Variants in PCBP3 observed in about 807,000 individuals in gnomAD.
PCBP3 encodes poly(rC)-binding protein 3.
A neutral mutation model predicts 52.7 loss-of-function variants in PCBP3; 25 were observed. The ratio of observed to expected loss-of-function variants is 0.47; its 90% CI spans 0.35 to 0.66. The LOEUF (loss-of-function observed/expected upper bound fraction) is 0.66, where lower values mean the gene tolerates loss of function less well. PCBP3 is among the 30% of genes least tolerant of loss of function. The pLI is 0.01. For synonymous variants in PCBP3, 162 were observed against 183.0 expected (o/e 0.89, Z 0.93); for missense variants, 391 against 490.3 (o/e 0.80, Z 1.91).
intron 3 of PCBP3, among the ~76,000 whole-genome samples, 188 bp from the exon 4 acceptor site, chr21:45,755,229 G>T (rs1401852082): frequency 6.6e-6 from 1 of 152,100 alleles, no homozygotes; most frequent in Non-Finnish European, 1.5e-5. Flanking sequence ...TTTATCCCTT[G>T]CCCATGATAC....
intron 13 of PCBP3, chr21:45,918,103 T>G: frequency 4.0e-6 from 1 of 250,700 alleles, no homozygotes. Flanking sequence ...ATAGGGTCCA[T>G]CTACACACAC....
intron 4 of PCBP3, among the ~76,000 whole-genome samples, chr21:45,799,649 A>G (rs191867045): frequency 1.6e-3 from 236 of 149,132 alleles, no homozygotes; most frequent in African/African-American, 5.3e-3. Context: ...TGATGCTGTG[A>G]CCCCGGTGTC....
chr21:45,714,092 A>G (rs763269169), intron 2 of PCBP3, among the ~76,000 whole-genome samples: 17 of 152,094 alleles, frequency 1.1e-4, no homozygotes, highest in East Asian at 1.9e-4. Context: ...TGTACTGCCT[A>G]TGCTCTGTGT....
chr21:45,925,507 C>A (rs2075281415), intron 13 of PCBP3, among the ~76,000 whole-genome samples: 1 of 152,202 alleles, frequency 6.6e-6, no homozygotes, highest in Admixed American at 6.5e-5. Flanking sequence ...AGTTAAGAAG[C>A]AAAGGCTGCC....
chr21:45,812,260 GAC>G (rs2092704413), intron 4 of PCBP3, among the ~76,000 whole-genome samples: 1 of 152,184 alleles, frequency 6.6e-6, no homozygotes, highest in Non-Finnish European at 1.5e-5. Context: ...CATGGGCTAT[GAC>G]ACAGCCTCGA....
intron 4 of PCBP3, among the ~76,000 whole-genome samples, chr21:45,814,977 A>G (rs1313907102): frequency 3.3e-4 from 16 of 48,604 alleles, no homozygotes; most frequent in Admixed American, 5.3e-4. Context: ...GTGAGTGATG[A>G]GTGAGTGGTG....
At chr21:45,762,633 G>T (rs1461904695) in intron 4 of PCBP3, 1 of 151,608 alleles carries the variant, frequency 6.6e-6, no homozygotes, top group Non-Finnish European at 1.5e-5. Context: ...GCGCCCACCA[G>T]CACACCCGGC....
At chr21:45,762,143 T>A (rs948294931) in intron 4 of PCBP3, 1 of 152,286 alleles carries the variant, frequency 6.6e-6, no homozygotes, top group Non-Finnish European at 1.5e-5. Context: ...AGGGGTACCT[T>A]TCGTGGGTGG....
At chr21:45,672,638 C>T (rs1411692194) in intron 2 of PCBP3, among the ~76,000 whole-genome samples, 1 of 152,116 alleles carries the variant, frequency 6.6e-6, no homozygotes, top group East Asian at 1.9e-4. Flanking sequence ...TCTCTCCCTA[C>T]CCAGGGTATC....
rs905372930 is a variant in PCBP3, at chr21:45,737,489, C to A, written c.-162+2060C>A. ...CTTCGACTTTGGTGTTGTCCAAATT[C>A]TTCTGAGCCTAACTGTAGGCTCTTC... is the stretch of plus-strand genomic sequence containing the variant. On this transcript the variant is annotated intron_variant, in intron 3 of 17. Transcript: ENST00000681687. This position sits in a 1 kb window ranked among gnomAD's most constrained non-coding sequence, Gnocchi z 4.9. Among the ~76,000 whole-genome samples the A allele has an allele frequency of 7.2e-5, 11 of 152,200 alleles. No individual in the cohort carries two copies. Among genetic ancestry groups the A allele is most frequent in the African/African-American group, 2.7e-4 (11 of 41,442 alleles).
intron 2 of PCBP3, chr21:45,728,744 C>A (rs1365458792): frequency 6.6e-6 from 1 of 151,962 alleles, no homozygotes; most frequent in East Asian, 1.9e-4. Context: ...AATGCAGTTT[C>A]TTTGGTATGT....
intron 5 of PCBP3, among the ~76,000 whole-genome samples, chr21:45,866,096 G>C (rs545947724): frequency 6.6e-6 from 1 of 152,350 alleles, no homozygotes; most frequent in South Asian, 2.1e-4. Context: ...AATAGGACAA[G>C]TCAGTGGCTC....
intron 1 of PCBP3, among the ~76,000 whole-genome samples, chr21:45,646,589 C>T (rs2146708960): frequency 1.3e-5 from 2 of 152,332 alleles, no homozygotes; most frequent in East Asian, 3.9e-4. Context: ...GCTCCACTCC[C>T]ATGACAACCC....
At chr21:45,705,026 G>A (rs1252702321) in intron 2 of PCBP3, among the ~76,000 whole-genome samples, 1 of 152,184 alleles carries the variant, frequency 6.6e-6, no homozygotes, top group Non-Finnish European at 1.5e-5. Context: ...AGAGTCTGTT[G>A]TGAGGGTCAC....
At chr21:45,861,475 C>CT (rs1330869413) in intron 5 of PCBP3, among the ~76,000 whole-genome samples, 1 of 152,200 alleles carries the variant, frequency 6.6e-6, no homozygotes, top group African/African-American at 2.4e-5. Flanking sequence ...GCTTTAGGGC[C>CT]AGAGCACGCC....
chr21:45,792,658 T>C (rs955253849), intron 4 of PCBP3, among the ~76,000 whole-genome samples: 4 of 151,394 alleles, frequency 2.6e-5, no homozygotes, highest in African/African-American at 9.8e-5. Context: ...GATGTCTTGA[T>C]TGATTATTAA....
rs530810255 is a variant in PCBP3 at position 45,827,193 on chromosome 21, T to G, written c.-125-22768T>G. Among the ~76,000 whole-genome samples, 2 of 152,312 alleles carry G rather than the reference T, an allele frequency of 1.3e-5. No homozygotes were observed. Among genetic ancestry groups the G allele is most frequent in the Admixed American group, 1.3e-4 (2 of 15,308 alleles). ...GCATCAGCTGAGGGACAAGGAGCCC[T>G]TCCCATCTGGGCATCAGCTGAGGCC... On this transcript the variant is annotated intron_variant, in intron 4 of 17. Transcript: ENST00000681687. This position sits in a 1 kb window ranked among gnomAD's most constrained non-coding sequence, Gnocchi z 4.3.
intron 1 of PCBP3, among the ~76,000 whole-genome samples, chr21:45,658,844 T>C (rs1336021641): frequency 6.6e-6 from 1 of 152,186 alleles, no homozygotes; most frequent in South Asian, 2.1e-4. Context: ...ATATCTTTAC[T>C]TGTTTTAGGT....
intron 5 of PCBP3, among the ~76,000 whole-genome samples, chr21:45,855,152 G>A (rs929430681): frequency 1.3e-5 from 2 of 152,182 alleles, no homozygotes; most frequent in African/African-American, 4.8e-5. Flanking sequence ...TGGCAGCGAT[G>A]CCCAAGTGCC....
Sources: allele counts gnomAD v4.1 joint callset (sites outside exome capture counted in the v4.1 genomes callset), GRCh38; gene constraint gnomAD v4.1.1; non-coding constraint Gnocchi (gnomAD v3.1); transcripts MANE v1.5; gene names NCBI Gene and HGNC (gene_info 2026-07-23, HGNC 2026-07-21).